The following ADAM28 variants were observed in gnomAD, a reference collection of about 807,000 sequenced individuals.
The protein encoded by ADAM28 is disintegrin and metalloproteinase domain-containing protein 28.
ADAM28 carries 105 observed loss-of-function variants against 101.2 expected under a neutral mutation model. The ratio of observed to expected loss-of-function variants is 1.04; its 90% CI spans 0.89 to 1.22. ADAM28 has a LOEUF of 1.22. Ranked by LOEUF, ADAM28 falls within the 50% of genes most tolerant of loss-of-function variation. ADAM28 has a pLI of 0.00. For synonymous variants in ADAM28, 322 were observed against 310.6 expected, an observed-to-expected ratio of 1.04 and a Z score of -0.39; for missense variants, 1,028 against 945.4, an observed-to-expected ratio of 1.09 and a Z score of -1.15.
chr8:24,307,139 T>C (rs1809805230), intron 2 of ADAM28, among the ~76,000 whole-genome samples: 1 of 152,186 alleles, frequency 6.6e-6, no homozygotes, highest in Admixed American at 6.5e-5. Context: ...GTGCAAAGAC[T>C]TGATTAGCAA....
chr8:24,350,578 C>T (rs1431061517), intron 19 of ADAM28, among the ~76,000 whole-genome samples: 5 of 152,072 alleles, frequency 3.3e-5, no homozygotes, highest in East Asian at 1.9e-4. Flanking sequence ...CCCTAAGTGC[C>T]GGGATTACAG....
At chr8:24,300,145 CT>C in intron 2 of ADAM28, 68 bp downstream of exon 2, 1 of 1,264,092 alleles carries the variant, frequency 7.9e-7, no homozygotes, top group Non-Finnish European at 1.1e-6. Flanking sequence ...ATATATCTAT[CT>C]ATGATGAGAG....
intron 16 of ADAM28, 184 bp from the exon 17 acceptor site, chr8:24,342,917 T>G: frequency 2.8e-6 from 3 of 1,065,526 alleles, no homozygotes; most frequent in African/African-American, 3.2e-5. Flanking sequence ...TTATCAACCT[T>G]TTTGGGTTGG....
chr8:24,299,755 G>A (rs1162357997), intron 1 of ADAM28: 2 of 355,618 alleles, frequency 5.6e-6, no homozygotes, highest in African/African-American at 2.1e-5. Flanking sequence ...TAGTGGGGAA[G>A]GATCTGAAGA....
Position 24,319,334 on chromosome 8 carries a change from G to T in ADAM28, c.577-902G>T, listed in dbSNP as rs576472587. Among the ~76,000 whole-genome samples, 12 of 151,942 alleles carry T rather than the reference G, an allele frequency of 7.9e-5. No homozygotes were observed. The South Asian group carries it at 2.5e-3, about 32-fold the overall frequency. ...CATGCCCACTTTAATCCTTCACATA[G>T]TACTGGCCACCATCTGATATGTTTA... is the stretch of plus-strand genomic sequence containing the variant. On this transcript the variant is annotated intron_variant, in intron 6 of 22. Coordinates refer to ENST00000265769, the MANE Select transcript of ADAM28 (RefSeq NM_014265.6).
At chr8:24,324,834 G>C (rs919483672) in intron 9 of ADAM28, among the ~76,000 whole-genome samples, 16 of 151,958 alleles carry the variant, frequency 1.1e-4, no homozygotes, top group African/African-American at 3.9e-4. Context: ...AGAGTAGGTG[G>C]ACTTCTTACT....
In ADAM28 at chr8:24,335,526, T is replaced by C. The variant is rs150239663; in HGVS notation, c.1452T>C (p.Asn484=). The C allele has an allele frequency of 7.5e-4, 1,205 of 1,614,162 alleles. No individual in the cohort carries two copies. Among genetic ancestry groups the C allele is most frequent in the Non-Finnish European group, 9.3e-4 (1,102 of 1,180,016 alleles). Residue 484 remains asparagine (N), a synonymous_variant, in exon 14 of 23, where the codon AAT becomes AAC. Transcript: ENST00000265769. ...LPEMCNGKSG[N]CPDDRFQVNG... ...AAATGTGTAATGGTAAATCTGGTAA[T>C]TGTCCTGATGATAGATTCCAAGTCA...
intron 9 of ADAM28, among the ~76,000 whole-genome samples, chr8:24,326,203 C>T (rs747642926): frequency 2.4e-4 from 36 of 151,868 alleles, no homozygotes; most frequent in Middle Eastern, 3.4e-3. Context: ...AAAAACAAAG[C>T]CTGTGTGGTA....
chr8:24,294,865 T>C (rs908583785), intron 1 of ADAM28, among the ~76,000 whole-genome samples: 1 of 152,238 alleles, frequency 6.6e-6, no homozygotes, highest in Admixed American at 6.5e-5. Context: ...AGCAAGTCTC[T>C]CAATTTCTGG....
rs1490244499 is a variant in ADAM28 at position 24,356,823 on chromosome 8, G to GTGTT, written c.*2423_*2426dup. On this transcript the variant is annotated 3_prime_UTR_variant, in exon 23 of 23. Transcript: ENST00000265769. The stretch of plus-strand genomic sequence containing the variant: ...TATCCAGTTACTCTAAGATACCTTA[G>GTGTT]TGTTTGTCTACTTATTACAACTCAC... 5.9e-5 allele frequency: 9 copies of GTGTT among 152,236 alleles called. No individual in the cohort carries two copies. Among genetic ancestry groups the GTGTT allele is most frequent in the Non-Finnish European group, 7.4e-5 (5 of 68,016 alleles). 9.4% of individuals were successfully genotyped at this position (152,236 alleles called of 1,614,324 possible). A position where few individuals can be genotyped will look rare whatever the true frequency, so the allele number is the denominator to read the frequency against.
At chr8:24,294,706 ATT>A (rs1386222411) in intron 1 of ADAM28, among the ~76,000 whole-genome samples, 1 of 152,148 alleles carries the variant, frequency 6.6e-6, no homozygotes, top group Non-Finnish European at 1.5e-5. Flanking sequence ...AATAATTAAT[ATT>A]TTTTATTTAT....
At chr8:24,351,190 G>A (rs751096164) in intron 19 of ADAM28, 42 bp from the exon 20 acceptor site, 8 of 1,429,540 alleles carry the variant, frequency 5.6e-6, no homozygotes, top group African/African-American at 1.5e-5. Flanking sequence ...CATGCTGAAG[G>A]AGCTGCTAAG....
At chr8:24,317,762 G>A (rs749701163) in intron 6 of ADAM28, among the ~76,000 whole-genome samples, 10 of 151,970 alleles carry the variant, frequency 6.6e-5, no homozygotes, top group South Asian at 2.1e-4. Flanking sequence ...GGGTGAGGGT[G>A]AGTGTCAAAT....
chr8:24,320,898 T>C (rs574892702), intron 7 of ADAM28, among the ~76,000 whole-genome samples: 7 of 152,086 alleles, frequency 4.6e-5, no homozygotes, highest in Admixed American at 4.6e-4. Flanking sequence ...TATGTGTCTC[T>C]TAAATTAATA....
chr8:24,321,342 C>T (rs2129287942), intron 8 of ADAM28, 53 bp downstream of exon 8: 1 of 1,410,058 alleles, frequency 7.1e-7, no homozygotes, highest in Non-Finnish European at 1.0e-6. Context: ...GGAGATGTCA[C>T]TGGGTTTTTC....
At chr8:24,332,613 GA>G (rs1156687386) in intron 12 of ADAM28, 46 bp from the exon 13 acceptor site, 1 of 1,158,448 alleles carries the variant, frequency 8.6e-7, no homozygotes, top group South Asian at 2.1e-5. Flanking sequence ...GCTGAACTGG[GA>G]CCAAAAAGTA....
At chr8:24,301,668 A>G (rs1442906655) in intron 2 of ADAM28, among the ~76,000 whole-genome samples, 4 of 152,224 alleles carry the variant, frequency 2.6e-5, no homozygotes, top group Non-Finnish European at 1.5e-5. Flanking sequence ...GTTTGACTCC[A>G]AATGACAACT....
At chr8:24,301,419 C>T (rs1808751692) in intron 2 of ADAM28, among the ~76,000 whole-genome samples, 1 of 152,052 alleles carries the variant, frequency 6.6e-6, no homozygotes, top group East Asian at 1.9e-4. Context: ...ACCCCCATGA[C>T]ATGCGATTTA....
At chr8:24,297,894 T>G (rs755715643) in intron 1 of ADAM28, among the ~76,000 whole-genome samples, 7 of 152,224 alleles carry the variant, frequency 4.6e-5, no homozygotes, top group Non-Finnish European at 8.8e-5. Context: ...GATGTTATTC[T>G]TTTCCTTTAC....
Sources: allele counts gnomAD v4.1 joint callset (sites outside exome capture counted in the v4.1 genomes callset), GRCh38; gene constraint gnomAD v4.1.1; transcripts MANE v1.5; gene names NCBI Gene and HGNC (gene_info 2026-07-23, HGNC 2026-07-21).